Variants in PEX5L observed in about 807,000 individuals in gnomAD.
PEX5L encodes the protein peroxisomal biogenesis factor 5 like.
Under a neutral mutation model 84.0 loss-of-function variants are expected in PEX5L, and 30 were observed. That is an observed-to-expected ratio of 0.36 (90% CI 0.27 to 0.48). PEX5L has a LOEUF of 0.48. PEX5L is among the 20% of genes least tolerant of loss of function. The pLI, the probability that PEX5L is intolerant of heterozygous loss-of-function variation, is 0.99. For synonymous variants in PEX5L, 270 were observed against 283.1 expected, an observed-to-expected ratio of 0.95 and a Z score of 0.46; for missense variants, 533 against 754.6, an observed-to-expected ratio of 0.71 and a Z score of 3.44.
intron 1 of PEX5L, among the ~76,000 whole-genome samples, chr3:179,983,756 T>C (rs1047648304): frequency 5.9e-5 from 9 of 152,008 alleles, no homozygotes; most frequent in African/African-American, 2.2e-4. Flanking sequence ...GTTGCCAAAA[T>C]TAAATAGATG....
At chr3:179,919,904 T>C (rs1768690964) in intron 2 of PEX5L, among the ~76,000 whole-genome samples, 1 of 152,186 alleles carries the variant, frequency 6.6e-6, no homozygotes, top group African/African-American at 2.4e-5. Context: ...GGTTTCACCA[T>C]GTTGGCCAAG....
In PEX5L at chr3:179,967,619, C is replaced by T. The variant is rs188631559; in HGVS notation, c.93+3975G>A. On this transcript the variant is annotated intron_variant, in intron 2 of 14. Transcript: ENST00000467460. ...TAAAGGTACCTTTGGTTGTAAATGG[C>T]TGTGGTTTTCTTGTTTTCTGGTCTT... Among the ~76,000 whole-genome samples the T allele has an allele frequency of 7.9e-4, 121 of 152,246 alleles. 1 individual carries two copies. The highest frequency in any genetic ancestry group is 1.4e-3 in the Non-Finnish European group (93 of 68,012).
At chr3:179,984,045 G>A (rs190770680) in intron 1 of PEX5L, among the ~76,000 whole-genome samples, 51 of 152,130 alleles carry the variant, frequency 3.4e-4, no homozygotes, top group African/African-American at 1.2e-3. Flanking sequence ...AACATAAAGA[G>A]TGTACCAAAT....
At position 180,013,165 on chromosome 3, in the gene PEX5L, T is replaced by C. The variant is rs1454158440; in HGVS notation, c.21+23414A>G. Among the ~76,000 whole-genome samples, 3 of 152,294 alleles carry C rather than the reference T, an allele frequency of 2.0e-5. No homozygotes were observed. The East Asian group carries it at 5.8e-4, about 29-fold the overall frequency. ...ACATGCACAGATTATTTTATACAAG[T>C]ACAAAACTATAAACAATTGGTTCTT... On this transcript the variant is annotated intron_variant, in intron 1 of 14. Transcript: ENST00000467460.
intron 2 of PEX5L, among the ~76,000 whole-genome samples, chr3:179,914,394 T>C (rs1292890722): frequency 2.0e-5 from 3 of 152,230 alleles, no homozygotes; most frequent in African/African-American, 7.2e-5. Context: ...TTTCCTTCAC[T>C]TGGAATTCCC....
intron 1 of PEX5L, among the ~76,000 whole-genome samples, chr3:179,983,448 G>C (rs1306770625): frequency 6.6e-6 from 1 of 152,008 alleles, no homozygotes; most frequent in African/African-American, 2.4e-5. Context: ...GAAGGGAACT[G>C]TGAAGTGAGA....
intron 9 of PEX5L, among the ~76,000 whole-genome samples, chr3:179,817,078 C>T (rs74324903): frequency 1.5e-3 from 224 of 152,328 alleles, no homozygotes; most frequent in African/African-American, 5.1e-3. Context: ...TGTTTACCTA[C>T]TAGGGCCCTT....
chr3:179,971,774 A>G (rs1216851123), intron 1 of PEX5L, 109 bp from the exon 2 acceptor site: 22 of 1,074,588 alleles, frequency 2.0e-5, no homozygotes, highest in Non-Finnish European at 2.7e-5. Context: ...ACCAGTCATA[A>G]TGCATCATTC....
Position 179,971,664 on chromosome 3 carries a change from T to A in PEX5L, c.23A>T (p.Lys8Ile). 6.3e-7 allele frequency: 1 copy of A among 1,599,812 alleles called. No homozygotes were observed. Among genetic ancestry groups the A allele is most frequent in the Non-Finnish European group, 8.5e-7 (1 of 1,173,400 alleles). Residue 8 changes from lysine to isoleucine, a missense_variant and splice_region_variant, in exon 2 of 15, where the codon AAA (lysine) becomes ATA (isoleucine). Lys to Ile is a moderately radical substitution (Grantham distance 102, BLOSUM62 -3). Transcript: ENST00000467460. Reference sequence around the variant, plus strand: ...TTTTCCATATCCTTGTTCTTTACTTTTCTTGTGAAAGAATAATTTTAAATG... The same window carrying A: ...TTTTCCATATCCTTGTTCTTTACTTATCTTGTGAAAGAATAATTTTAAATG... MYQGHMQ[K>I]SKEQGYGKLS...
At chr3:179,860,381 T>C (rs1477702171) in intron 7 of PEX5L, among the ~76,000 whole-genome samples, 2 of 152,188 alleles carry the variant, frequency 1.3e-5, no homozygotes, top group Non-Finnish European at 2.9e-5. Flanking sequence ...GGTGACTTCT[T>C]GGTATGTGTG....
intron 3 of PEX5L, among the ~76,000 whole-genome samples, chr3:179,893,216 A>T (rs984071170): frequency 6.6e-6 from 1 of 152,138 alleles, no homozygotes; most frequent in Non-Finnish European, 1.5e-5. Context: ...ACTGCTTCAT[A>T]TATCAATACA....
At chr3:180,027,681 A>G (rs1447775622) in intron 1 of PEX5L, among the ~76,000 whole-genome samples, 1 of 152,180 alleles carries the variant, frequency 6.6e-6, no homozygotes, top group Non-Finnish European at 1.5e-5. Context: ...TCCATATATG[A>G]GTTCTGGTCA....
chr3:179,890,378 T>C (rs1394881330), intron 3 of PEX5L, among the ~76,000 whole-genome samples: 1 of 152,182 alleles, frequency 6.6e-6, no homozygotes, highest in African/African-American at 2.4e-5. Flanking sequence ...GGCCTCTGGG[T>C]CTAGGTCTTA....
At position 179,801,626 on chromosome 3, in the gene PEX5L, T is replaced by G. The variant is rs1011070969; in HGVS notation, c.*202A>C. 1.8e-6 allele frequency: 1 copy of G among 556,510 alleles called. No individual in the cohort carries two copies. Among genetic ancestry groups the G allele is most frequent in the African/African-American group, 1.9e-5 (1 of 53,322 alleles). 34.5% of individuals were successfully genotyped at this position (556,510 alleles called of 1,614,324 possible). A position where few individuals can be genotyped will look rare whatever the true frequency, so the allele number is the denominator to read the frequency against. ...TCTTAATTCTTCTTTTGAGCCTGAC[T>G]TTGACTCTATATACAACATTTTGTG... On this transcript the variant is annotated 3_prime_UTR_variant, in exon 15 of 15. Transcript: ENST00000467460.
chr3:179,827,034 T>C (rs977012100), intron 8 of PEX5L, among the ~76,000 whole-genome samples: 29 of 152,188 alleles, frequency 1.9e-4, no homozygotes, highest in African/African-American at 7.0e-4. Context: ...ACACTATCAT[T>C]GGTAAATGAT....
intron 1 of PEX5L, among the ~76,000 whole-genome samples, chr3:179,993,368 C>T (rs191441184): frequency 7.6e-4 from 116 of 152,238 alleles, no homozygotes; most frequent in Non-Finnish European, 1.5e-3. Context: ...GTACAATTGT[C>T]CCTTGGTATC....
chr3:179,986,165 AAT>A (rs761109429), intron 1 of PEX5L, among the ~76,000 whole-genome samples: 76 of 122,102 alleles, frequency 6.2e-4, no homozygotes, highest in Non-Finnish European at 8.9e-4. Flanking sequence ...TGTAATTTAA[AAT>A]ATATATATAT....
intron 7 of PEX5L, among the ~76,000 whole-genome samples, chr3:179,871,131 C>G (rs1486360849): frequency 2.5e-5 from 3 of 118,664 alleles, no homozygotes; most frequent in Non-Finnish European, 4.8e-5. Context: ...TTGGCTGAGT[C>G]TCGCTCTGTC....
chr3:179,843,366 T>G (rs1479820190), intron 8 of PEX5L, among the ~76,000 whole-genome samples: 10 of 152,154 alleles, frequency 6.6e-5, no homozygotes, highest in Non-Finnish European at 1.5e-5. Flanking sequence ...TTTTGGAAGC[T>G]CAGCAGGTAG....
Sources: gnomAD v4.1 joint callset for allele counts (sites outside exome capture counted in the v4.1 genomes callset) on GRCh38, gnomAD v4.1.1 for gene constraint, MANE v1.5 for transcripts, NCBI Gene and HGNC (gene_info 2026-07-23, HGNC 2026-07-21) for gene names.